DPP6: variants seen among roughly 807,000 people sequenced by gnomAD.
DPP6 encodes the protein dipeptidyl peptidase like 6.
Under a neutral mutation model 122.6 loss-of-function variants are expected in DPP6, and 69 were observed. The observed-to-expected ratio is 0.56, with a 90% CI of 0.46 to 0.69. The LOEUF (loss-of-function observed/expected upper bound fraction) is 0.69. Among genes scored for constraint, DPP6 ranks in the 30% least tolerant of loss-of-function variants. The pLI is 0.00. For synonymous variants in DPP6, 418 were observed against 433.1 expected, an observed-to-expected ratio of 0.97 and a Z score of 0.43; for missense variants, 928 against 1,116.9, an observed-to-expected ratio of 0.83 and a Z score of 2.41.
At chr7:154,546,001 A>G (rs945602958) in intron 4 of DPP6, among the ~76,000 whole-genome samples, 3 of 152,218 alleles carry the variant, frequency 2.0e-5, no homozygotes, top group Admixed American at 2.0e-4. Context: ...AGCAGTAACA[A>G]TATTGATGCA....
At chr7:154,152,149 T>A (rs1490328584) in intron 1 of DPP6, among the ~76,000 whole-genome samples, 1 of 150,380 alleles carries the variant, frequency 6.6e-6, no homozygotes, top group South Asian at 2.1e-4. Flanking sequence ...GTAAGTGAGA[T>A]AAAGGGGTTG....
intron 12 of DPP6, among the ~76,000 whole-genome samples, chr7:154,799,502 T>G (rs1798229306): frequency 6.6e-6 from 1 of 152,230 alleles, no homozygotes; most frequent in African/African-American, 2.4e-5. Context: ...TTGTTTTGGT[T>G]GAAGGATCGG....
In DPP6 at chr7:154,053,057, G is replaced by C; in HGVS notation, c.237G>C (p.Glu79Asp). The change falls in exon 1 of 26, where the codon GAG (glutamate) becomes GAC (aspartate). Residue 79 changes from glutamate to aspartate, a missense_variant. Coordinates refer to ENST00000377770, the MANE Select transcript of DPP6 (RefSeq NM_130797.4). ...FQYQARSDGDEEDELVGSNPP... is the reference protein window; with the variant it reads ...FQYQARSDGDDEDELVGSNPP... ...ACCAGGCGCGGAGCGATGGTGACGA[G>C]GAGGACGTAAGAGCTTCTCGGGGGC... 1 of 1,060,542 alleles carries C rather than the reference G, an allele frequency of 9.4e-7. No individual in the cohort carries two copies. The highest frequency in any genetic ancestry group is 1.1e-6 in the Non-Finnish European group (1 of 877,784). 65.7% of individuals were successfully genotyped at this position (1,060,542 alleles called of 1,614,324 possible).
At chr7:154,889,687 C>G in intron 25 of DPP6, 157 bp downstream of exon 25, 1 of 1,150,874 alleles carries the variant, frequency 8.7e-7, no homozygotes, top group Non-Finnish European at 1.2e-6. Context: ...AAAATCAGCA[C>G]ATGCTCAACG....
intron 2 of DPP6, among the ~76,000 whole-genome samples, chr7:154,449,034 C>T (rs1283099948): frequency 6.6e-6 from 1 of 152,062 alleles, no homozygotes; most frequent in African/African-American, 2.4e-5. Context: ...CATGTGACAA[C>T]AAAAGTGCAA....
At chr7:154,602,819 T>C (rs7811782) in intron 5 of DPP6, among the ~76,000 whole-genome samples, 105,700 of 109,326 alleles carry the variant, frequency 0.97, 52,242 homozygotes, top group Non-Finnish European at 1. Context: ...GCGATCTCTA[T>C]TCACTGCAAC....
rs1003916296 is a variant in DPP6, at chr7:154,893,169, C to T, written c.*689C>T. The T allele has an allele frequency of 1.5e-5, 5 of 339,854 alleles. No individual in the cohort carries two copies. The highest frequency in any genetic ancestry group is 2.9e-5 in the Non-Finnish European group (5 of 173,394). The allele number at this position is 339,854 out of a possible 1,614,324, so 21.1% of individuals were successfully genotyped here. A position where few individuals can be genotyped will look rare whatever the true frequency, so the allele number is the denominator to read the frequency against. ...TGGGGTTGGGCCTTGTTTCCCTTTC[C>T]TTTCTCCAGTCCACGTGTAGACTTT... On this transcript the variant is annotated 3_prime_UTR_variant, in exon 26 of 26. Transcript: ENST00000377770.
chr7:154,244,324 A>G (rs1264656612), intron 1 of DPP6, among the ~76,000 whole-genome samples: 1 of 152,194 alleles, frequency 6.6e-6, no homozygotes, highest in Non-Finnish European at 1.5e-5. Flanking sequence ...TAAAATAAAG[A>G]CATTTTCAGA....
rs561089400 is a variant in DPP6 at position 154,857,734 on chromosome 7, G to A, written c.1714+3907G>A. ...GGTTGGACCACATCAGAGCCTCCTC[G>A]TGGCCTCTGCAGTGGATGAAGGGTC... On this transcript the variant is annotated intron_variant, in intron 17 of 25. Transcript: ENST00000377770. Among the ~76,000 whole-genome samples, 10 of 152,296 alleles carry A rather than the reference G, an allele frequency of 6.6e-5. No homozygotes were observed. In the South Asian group the frequency reaches 8.3e-4, roughly 13 times the overall value.
rs138798042 is a variant in DPP6, at chr7:154,116,916, A to G, written c.243+63853A>G. Among the ~76,000 whole-genome samples, 1,220 of 152,208 alleles carry G rather than the reference A, an allele frequency of 8.0e-3. 3 individuals carry two copies. The highest frequency in any genetic ancestry group is 0.028 in the African/African-American group (1,157 of 41,532). On this transcript the variant is annotated intron_variant, in intron 1 of 25. Coordinates refer to ENST00000377770, the MANE Select transcript of DPP6 (RefSeq NM_130797.4). ...TCCTCATTCTTAATTCTTCTTCTCC[A>G]TTTCTGGTCACGGGAGGGGCACCCC...
chr7:154,813,048 A>G (rs1444322444), intron 16 of DPP6, among the ~76,000 whole-genome samples: 1 of 151,758 alleles, frequency 6.6e-6, no homozygotes, highest in African/African-American at 2.4e-5. Context: ...AATAATTACT[A>G]TTAACTTAAA....
At chr7:153,898,306 G>A (rs1395104797) in intron 1 of DPP6, among the ~76,000 whole-genome samples, 1 of 152,058 alleles carries the variant, frequency 6.6e-6, no homozygotes, top group East Asian at 1.9e-4. Flanking sequence ...TTTAAAATAT[G>A]CCAGGCTTGG....
upstream of DPP6, among the ~76,000 whole-genome samples, chr7:153,886,892 C>G (rs368841201): frequency 2.0e-5 from 3 of 152,148 alleles, no homozygotes; most frequent in East Asian, 3.9e-4. Flanking sequence ...AGTTAACACC[C>G]GGCTGCGGAC....
At chr7:154,722,337 C>T (rs1841860676) in intron 7 of DPP6, among the ~76,000 whole-genome samples, 1 of 152,240 alleles carries the variant, frequency 6.6e-6, no homozygotes, top group Non-Finnish European at 1.5e-5. Context: ...CAGACACCAT[C>T]GTGTAGTCTG....
chr7:154,832,470 C>G (rs1800707047), intron 16 of DPP6, among the ~76,000 whole-genome samples: 1 of 152,210 alleles, frequency 6.6e-6, no homozygotes, highest in African/African-American at 2.4e-5. Flanking sequence ...AGCCTGGAAG[C>G]TGCTGGAAGC....
intron 2 of DPP6, among the ~76,000 whole-genome samples, chr7:154,467,783 T>C (rs1198664811): frequency 6.6e-6 from 1 of 152,216 alleles, no homozygotes; most frequent in Admixed American, 6.5e-5. Context: ...TTCATTCCAT[T>C]AGACAAGTGG....
intron 5 of DPP6, among the ~76,000 whole-genome samples, chr7:154,631,229 A>T (rs9642648): frequency 0.12 from 18,715 of 152,216 alleles, 1,206 homozygotes; most frequent in African/African-American, 0.16. Context: ...CCTGCCTTCC[A>T]TTCGGGTCTG....
chr7:154,451,695 A>G (rs776170991), intron 2 of DPP6, among the ~76,000 whole-genome samples: 16 of 152,240 alleles, frequency 1.1e-4, no homozygotes, highest in Non-Finnish European at 2.2e-4. Context: ...GTCAGGGGCA[A>G]CTGCTCCTGG....
At chr7:154,015,463 A>G (rs991541910) in intron 1 of DPP6, among the ~76,000 whole-genome samples, 6 of 152,120 alleles carry the variant, frequency 3.9e-5, no homozygotes, top group African/African-American at 1.4e-4. Flanking sequence ...CTCAGTTTTC[A>G]AAGTGCCCAT....
Sources: gnomAD v4.1 joint callset for allele counts (sites outside exome capture counted in the v4.1 genomes callset) on GRCh38, gnomAD v4.1.1 for gene constraint, MANE v1.5 for transcripts, NCBI Gene and HGNC (gene_info 2026-07-23, HGNC 2026-07-21) for gene names.